The following XRN2 variants were observed in gnomAD, a reference collection of about 807,000 sequenced individuals.
XRN2 encodes 5'-3' exoribonuclease 2.
A neutral mutation model predicts 138.5 loss-of-function variants in XRN2; 44 were observed. The ratio of observed to expected loss-of-function variants is 0.32; its 90% CI spans 0.25 to 0.41. The LOEUF is 0.41. Among genes scored for constraint, XRN2 ranks in the 10% least tolerant of loss-of-function variants. The pLI is 1.00. For synonymous variants in XRN2, 354 were observed against 369.4 expected, an observed-to-expected ratio of 0.96 and a Z score of 0.48; for missense variants, 937 against 1,169.3, an observed-to-expected ratio of 0.80 and a Z score of 2.90.
At position 21,326,336 on chromosome 20, in the gene XRN2, G is replaced by A; in HGVS notation, c.133G>A (p.Asp45Asn). ...TGATGCCAGTAAACCTAATCCAAAT[G>A]ATGTGGAGTTTGATAATCTGTATTT... Reference protein sequence around the residue: ...PVDASKPNPNDVEFDNLYLDM... With the variant: ...PVDASKPNPNNVEFDNLYLDM... Residue 45 changes from aspartate to asparagine, a missense_variant, in exon 2 of 30, where the codon GAT (aspartate) becomes AAT (asparagine). Physicochemically the swap from Asp to Asn is conservative, Grantham distance 23 (BLOSUM62 1). Coordinates refer to ENST00000377191, the MANE Select transcript of XRN2 (RefSeq NM_012255.5). 6.2e-7 allele frequency: 1 copy of A among 1,613,792 alleles called. No homozygotes were observed. Among genetic ancestry groups the A allele is most frequent in the South Asian group, 1.1e-5 (1 of 91,070 alleles).
At chr20:21,389,185 T>G in intron 29 of XRN2, 88 bp from the exon 30 acceptor site, 1 of 1,165,692 alleles carries the variant, frequency 8.6e-7, no homozygotes, top group African/African-American at 1.5e-5. Flanking sequence ...AGTTTCCTTA[T>G]GATGTGTTTT....
chr20:21,386,604 T>A (rs2038938991), intron 28 of XRN2, among the ~76,000 whole-genome samples: 1 of 152,158 alleles, frequency 6.6e-6, no homozygotes, highest in Non-Finnish European at 1.5e-5. Context: ...ATTTCCCAAT[T>A]GAAAATGAAC....
chr20:21,342,934 GT>G (rs895907416), intron 15 of XRN2, among the ~76,000 whole-genome samples: 9 of 150,808 alleles, frequency 6.0e-5, no homozygotes, highest in African/African-American at 1.2e-4. Context: ...TTTTTATTGG[GT>G]TTTTTTTTGA....
At chr20:21,358,994 CAT>C (rs2122287639) in intron 24 of XRN2, among the ~76,000 whole-genome samples, 1 of 152,342 alleles carries the variant, frequency 6.6e-6, no homozygotes, top group African/African-American at 2.4e-5. Context: ...TGGATTGTCA[CAT>C]GTTTGCTTGT....
intron 1 of XRN2, among the ~76,000 whole-genome samples, chr20:21,311,822 T>A (rs983492714): frequency 6.6e-6 from 1 of 151,986 alleles, no homozygotes; most frequent in Non-Finnish European, 1.5e-5. Context: ...ACCTCGTCTC[T>A]ACTAAAAAAG....
At position 21,348,378 on chromosome 20, in the gene XRN2, CT is replaced by C; in HGVS notation, c.1812del (p.Ala605GlnfsTer14). On this transcript the variant is annotated frameshift_variant, in exon 19 of 30. Coordinates refer to ENST00000377191, the MANE Select transcript of XRN2 (RefSeq NM_012255.5). LOFTEE classifies it high-confidence loss of function. ...PLEQLMGVFP[A>X]ASGNFLPPSW... ...GAACAACTTATGGGGGTATTTCCAGCTGCAAGTGGTAATTTTCTACCTCCAT... is the reference window on the plus strand; with the variant it reads ...GAACAACTTATGGGGGTATTTCCAGCGCAAGTGGTAATTTTCTACCTCCAT... 6.2e-7 allele frequency: 1 copy of C among 1,614,012 alleles called. No homozygotes were observed. The highest frequency in any genetic ancestry group is 1.1e-5 in the South Asian group (1 of 91,076).
chr20:21,342,362 A>T (rs1470803282), intron 15 of XRN2, among the ~76,000 whole-genome samples: 2 of 152,182 alleles, frequency 1.3e-5, no homozygotes, highest in Non-Finnish European at 2.9e-5. Flanking sequence ...TGATGAAAAA[A>T]ACAGCTTAAG....
intron 24 of XRN2, among the ~76,000 whole-genome samples, chr20:21,362,484 C>T (rs1480247335): frequency 6.6e-6 from 1 of 152,260 alleles, no homozygotes; most frequent in Admixed American, 6.5e-5. Context: ...ACTTTCCCAA[C>T]GTTCCCATCC....
At chr20:21,386,508 T>G (rs778034761) in intron 28 of XRN2, among the ~76,000 whole-genome samples, 2 of 152,246 alleles carry the variant, frequency 1.3e-5, no homozygotes, top group Non-Finnish European at 2.9e-5. Flanking sequence ...TTCTCCTGTC[T>G]TGTACATGTT....
At chr20:21,319,584 C>T (rs2038009601) in intron 1 of XRN2, among the ~76,000 whole-genome samples, 2 of 151,914 alleles carry the variant, frequency 1.3e-5, no homozygotes, top group Non-Finnish European at 2.9e-5. Context: ...TATATTTTTT[C>T]AAAGTCATTG....
chr20:21,344,102 T>A lies in XRN2; in HGVS notation c.1423T>A (p.Ser475Thr). ...RMQNNSSPSI[S>T]PNTSFTSDGS... The stretch of plus-strand genomic sequence containing the variant: ...TCATTGTCTGCAGAGTCCTTCGATA[T>A]CTCCTAATACGAGTTTCACATCTGA... The change falls in exon 16 of 30, where the codon TCT (serine) becomes ACT (threonine). Residue 475 changes from serine (S) to threonine (T), a missense_variant. Physicochemically the swap from Ser to Thr is moderately conservative, Grantham distance 58. Transcript: ENST00000377191. 6.2e-7 allele frequency: 1 copy of A among 1,610,126 alleles called. No homozygotes were observed. Among genetic ancestry groups the A allele is most frequent in the Non-Finnish European group, 8.5e-7 (1 of 1,177,028 alleles).
At chr20:21,381,911 G>GA in intron 27 of XRN2, 83 bp from the exon 28 acceptor site, 1 of 1,150,758 alleles carries the variant, frequency 8.7e-7, no homozygotes, top group Non-Finnish European at 1.2e-6. Flanking sequence ...TTTTTTTCAA[G>GA]AACTTTTAAT....
chr20:21,348,312 TG>T (rs1192118101), intron 18 of XRN2, 28 bp from the exon 19 acceptor site: 6 of 1,612,338 alleles, frequency 3.7e-6, no homozygotes, highest in Non-Finnish European at 5.1e-6. Flanking sequence ...ATAATAATCT[TG>T]GGTCTTTAAT....
chr20:21,357,309 G>A (rs1427021862), intron 23 of XRN2, among the ~76,000 whole-genome samples: 1 of 152,184 alleles, frequency 6.6e-6, no homozygotes, highest in Non-Finnish European at 1.5e-5. Context: ...GGAACTGCTG[G>A]CCATAGAGTA....
rs747456495 is a variant in XRN2 at position 21,368,602 on chromosome 20, C to T, written c.2584+12C>T. Reference sequence around the variant, plus strand: ...AAAACTTATGTCAAGTAAGCTTTTACAAATCGGTTATTTTACATTATAAAT... The same window carrying T: ...AAAACTTATGTCAAGTAAGCTTTTATAAATCGGTTATTTTACATTATAAAT... On this transcript the variant is annotated intron_variant, in intron 27 of 29. Transcript: ENST00000377191. 1.2e-6 allele frequency: 2 copies of T among 1,609,806 alleles called. No homozygotes were observed. Among genetic ancestry groups the T allele is most frequent in the East Asian group, 2.2e-5 (1 of 44,830 alleles).
chr20:21,368,199 C>T (rs559182415), intron 26 of XRN2, among the ~76,000 whole-genome samples: 4 of 152,136 alleles, frequency 2.6e-5, no homozygotes, highest in East Asian at 1.9e-4. Flanking sequence ...GAAAAATATG[C>T]AAATTATTTT....
At position 21,340,865 on chromosome 20, in the gene XRN2, C is replaced by T; in HGVS notation, c.1410+13C>T. On this transcript the variant is annotated intron_variant, in intron 15 of 29. Transcript: ENST00000377191. The stretch of plus-strand genomic sequence containing the variant: ...GCAGAATAACTCTGTAAGTGGCTTA[C>T]TTTTATGTGACATTTAAGAGTGGTG... 6.2e-7 allele frequency: 1 copy of T among 1,613,428 alleles called. No homozygotes were observed. Among genetic ancestry groups the T allele is most frequent in the Non-Finnish European group, 8.5e-7 (1 of 1,179,570 alleles).
At chr20:21,318,762 AT>A (rs913449085) in intron 1 of XRN2, among the ~76,000 whole-genome samples, 2 of 150,290 alleles carry the variant, frequency 1.3e-5, no homozygotes, top group African/African-American at 2.4e-5. Flanking sequence ...GAATTTGCCA[AT>A]TTTTTTTTCT....
rs891861739 is a variant in XRN2 at position 21,303,642 on chromosome 20, G to T, written c.75+169G>T. ...CACACGCGATGGGACGCGGGCTGTG[G>T]GATTCAGCACCCCGGGGGCGAGGAA... On this transcript the variant is annotated intron_variant, in intron 1 of 29. Transcript: ENST00000377191. 4 of 1,352,452 alleles carry T rather than the reference G, an allele frequency of 3.0e-6. No individual in the cohort carries two copies. The African/African-American group carries it at 4.7e-5, about 16-fold the overall frequency. 83.8% of individuals were successfully genotyped at this position (1,352,452 alleles called of 1,614,324 possible).
Sources: gnomAD v4.1 joint callset for allele counts (sites outside exome capture counted in the v4.1 genomes callset) on GRCh38, gnomAD v4.1.1 for gene constraint, MANE v1.5 for transcripts, NCBI Gene and HGNC (gene_info 2026-07-23, HGNC 2026-07-21) for gene names.